The following TENM2 variants were observed in gnomAD, a reference collection of about 807,000 sequenced individuals.
TENM2 encodes the protein teneurin-2.
Under a neutral mutation model 245.2 loss-of-function variants are expected in TENM2, and 52 were observed. The ratio of observed to expected loss-of-function variants is 0.21; its 90% confidence interval spans 0.17 to 0.27. The LOEUF (loss-of-function observed/expected upper bound fraction) is 0.27, where lower values mean the gene tolerates loss of function less well. Among genes scored for constraint, TENM2 ranks in the 10% least tolerant of loss-of-function variants. The probability of loss-of-function intolerance (pLI) is 1.00; values close to 1 mark genes in which losing one functional copy is unlikely to be tolerated. For missense variants in TENM2, 3,046 were observed against 3,666.8 expected (o/e 0.83, Z 4.37); for synonymous variants, 1,363 against 1,438.9 (o/e 0.95, Z 1.19).
the TENM2 span, among the ~76,000 whole-genome samples, chr5:167,005,892 C>T: frequency 6.6e-6 from 1 of 151,840 alleles, no homozygotes; most frequent in Non-Finnish European, 1.5e-5. Context: ...AAACTCCTGA[C>T]CTCATGATCA....
chr5:168,226,739 T>TTCTC, intron 24 of TENM2, among the ~76,000 whole-genome samples: 1 of 152,332 alleles, frequency 6.6e-6, no homozygotes, highest in East Asian at 1.9e-4. Context: ...CTCTTTAACA[T>TTCTC]TCTCTCTCCA....
chr5:167,246,154 A>G, the TENM2 span, among the ~76,000 whole-genome samples: 3 of 152,164 alleles, frequency 2.0e-5, no homozygotes, highest in East Asian at 1.9e-4. Flanking sequence ...CTACGGCAAG[A>G]GAGGGACACA....
In TENM2 at chr5:168,238,617, G is replaced by A. The variant is rs527951925; in HGVS notation, c.5521-5803G>A. On this transcript the variant is annotated intron_variant, in intron 25 of 28. Coordinates refer to ENST00000518659, the Ensembl canonical transcript of TENM2. ...TCAAATCACTAGCTCCCGTCATTGCGCCTGGAGCTAAGTTAGAGTCACCAG... is the reference window on the plus strand; with the variant it reads ...TCAAATCACTAGCTCCCGTCATTGCACCTGGAGCTAAGTTAGAGTCACCAG... Among the ~76,000 whole-genome samples, 21 of 152,274 alleles carry A rather than the reference G, an allele frequency of 1.4e-4. No homozygotes were observed. In the South Asian group the frequency reaches 2.1e-3, roughly 15 times the overall value.
chr5:167,439,630 A>C (rs781662689), intron 2 of TENM2, among the ~76,000 whole-genome samples: 1 of 152,208 alleles, frequency 6.6e-6, no homozygotes, highest in Non-Finnish European at 1.5e-5. Flanking sequence ...AATAATAATG[A>C]ATTAACATGC....
intron 5 of TENM2, among the ~76,000 whole-genome samples, chr5:167,999,697 A>G (rs746140414): frequency 1.3e-4 from 20 of 152,240 alleles, no homozygotes; most frequent in Non-Finnish European, 2.2e-4. Flanking sequence ...CAGGAGGGTC[A>G]GCAGCTCTCG....
intron 13 of TENM2, among the ~76,000 whole-genome samples, chr5:168,183,802 TAAAA>T: frequency 7.2e-6 from 1 of 138,528 alleles, no homozygotes; most frequent in South Asian, 2.3e-4. Context: ...TCTGTATAGG[TAAAA>T]AAAAAACCCA....
chr5:168,225,292 A>G (rs1166748125), intron 23 of TENM2, among the ~76,000 whole-genome samples: 1 of 152,216 alleles, frequency 6.6e-6, no homozygotes, highest in African/African-American at 2.4e-5. Context: ...ATGACAAGTG[A>G]GACAAGGTTG....
intron 1 of TENM2, among the ~76,000 whole-genome samples, chr5:167,312,862 C>T (rs1756121257): frequency 6.6e-6 from 1 of 150,474 alleles, no homozygotes; most frequent in Non-Finnish European, 1.5e-5. Flanking sequence ...AAAGCAGAAT[C>T]AAGCGACAGG....
At position 167,645,718 on chromosome 5, in the gene TENM2, A is replaced by G. The variant is rs150726621; in HGVS notation, c.503-230268A>G. Among the ~76,000 whole-genome samples, 33 of 152,162 alleles carry G rather than the reference A, an allele frequency of 2.2e-4. No homozygotes were observed. In the East Asian group the frequency reaches 5.2e-3, roughly 24 times the overall value. Reference sequence around the variant, plus strand: ...ATAAGAGTTTCACAGTATGCTATCAATGTTAGTTTGGAGAAGGAAAGGTCA... The same window carrying G: ...ATAAGAGTTTCACAGTATGCTATCAGTGTTAGTTTGGAGAAGGAAAGGTCA... On this transcript the variant is annotated intron_variant, in intron 2 of 28. Coordinates refer to ENST00000518659, the Ensembl canonical transcript of TENM2.
chr5:168,224,324 C>CATTCCT (rs1005043982), intron 23 of TENM2, among the ~76,000 whole-genome samples: 23 of 152,184 alleles, frequency 1.5e-4, no homozygotes, highest in Non-Finnish European at 3.2e-4. Flanking sequence ...AGCTCACAGA[C>CATTCCT]ATTCCTGCTC....
the TENM2 span, among the ~76,000 whole-genome samples, chr5:167,095,583 T>A: frequency 6.6e-6 from 1 of 152,188 alleles, no homozygotes; most frequent in African/African-American, 2.4e-5. Context: ...TCTGAGTTTT[T>A]ATTTTCTATG....
chr5:168,025,404 G>C (rs541647811), intron 5 of TENM2, among the ~76,000 whole-genome samples: 148 of 152,352 alleles, frequency 9.7e-4, no homozygotes, highest in Admixed American at 1.7e-3. Context: ...TTGGAAATTG[G>C]TTTGGAAAGT....
intron 3 of TENM2, among the ~76,000 whole-genome samples, chr5:167,891,249 G>T (rs1022865779): frequency 1.3e-5 from 2 of 152,070 alleles, no homozygotes; most frequent in African/African-American, 4.8e-5. Context: ...CAAATTTTGT[G>T]GTTCCTTTGC....
the TENM2 span, among the ~76,000 whole-genome samples, chr5:167,182,036 G>T: frequency 6.6e-6 from 1 of 152,168 alleles, no homozygotes; most frequent in African/African-American, 2.4e-5. Flanking sequence ...AATTAGGAAA[G>T]ATTTCATAAT....
intron 2 of TENM2, among the ~76,000 whole-genome samples, chr5:167,767,920 C>G (rs1763145021): frequency 6.6e-6 from 1 of 152,110 alleles, no homozygotes; most frequent in Non-Finnish European, 1.5e-5. Context: ...CTTCAGTAGT[C>G]TTGGATGGAG....
At chr5:167,272,017 G>A in the TENM2 span, among the ~76,000 whole-genome samples, 2 of 152,112 alleles carry the variant, frequency 1.3e-5, no homozygotes, top group African/African-American at 4.8e-5. Context: ...ATTTTGGAGT[G>A]TATCTATGCT....
chr5:168,182,208 C>CT (rs1759968095), intron 13 of TENM2, among the ~76,000 whole-genome samples: 1 of 152,190 alleles, frequency 6.6e-6, no homozygotes, highest in African/African-American at 2.4e-5. Flanking sequence ...TCAGCCTTGC[C>CT]TATTCCTTTC....
chr5:168,083,408 G>T (rs999221326), intron 7 of TENM2, among the ~76,000 whole-genome samples: 1 of 152,232 alleles, frequency 6.6e-6, no homozygotes, highest in Non-Finnish European at 1.5e-5. Context: ...CCCAGATGAG[G>T]TGATGCCCAC....
At chr5:167,927,226 G>A (rs1777834292) in intron 3 of TENM2, among the ~76,000 whole-genome samples, 1 of 152,116 alleles carries the variant, frequency 6.6e-6, no homozygotes, top group Non-Finnish European at 1.5e-5. Context: ...CTTTCCATCA[G>A]GCTGGGTTCA....
Sources: allele counts gnomAD v4.1 joint callset (sites outside exome capture counted in the v4.1 genomes callset), GRCh38; gene constraint gnomAD v4.1.1; transcripts MANE v1.5; gene names NCBI Gene and HGNC (gene_info 2026-07-23, HGNC 2026-07-21).